The following TMC3 variants were observed in gnomAD, a reference collection of about 807,000 sequenced individuals.
TMC3 encodes the protein transmembrane channel like 3, also known as transmembrane channel-like protein 3.
A neutral mutation model predicts 110.6 loss-of-function variants in TMC3; 98 were observed. That is an observed-to-expected ratio of 0.89 (90% CI 0.75 to 1.05). The LOEUF is 1.05. TMC3 is among the 50% of genes least tolerant of loss of function. The pLI, the probability that TMC3 is intolerant of heterozygous loss-of-function variation, is 0.00. For synonymous variants in TMC3, 489 were observed against 513.1 expected (o/e 0.95, Z 0.63); for missense variants, 1,319 against 1,373.2 (o/e 0.96, Z 0.62).
intron 11 of TMC3, among the ~76,000 whole-genome samples, chr15:81,347,290 G>T (rs1192233176): frequency 6.6e-6 from 1 of 152,158 alleles, no homozygotes; most frequent in Non-Finnish European, 1.5e-5. Context: ...AAAGTTGATG[G>T]GAAAGCATCT....
At chr15:81,348,696 C>A (rs955701713) in intron 11 of TMC3, among the ~76,000 whole-genome samples, 1 of 152,184 alleles carries the variant, frequency 6.6e-6, no homozygotes, top group Non-Finnish European at 1.5e-5. Flanking sequence ...GTTCTTCTTG[C>A]GTCTGGAAAA....
At chr15:81,353,077 C>T (rs1259395940) in intron 9 of TMC3, among the ~76,000 whole-genome samples, 2 of 152,146 alleles carry the variant, frequency 1.3e-5, no homozygotes, top group Admixed American at 6.5e-5. Flanking sequence ...CCGCCTCGGC[C>T]TCCCAAAGTG....
At chr15:81,343,183 A>G (rs1371279897) in intron 15 of TMC3, 95 bp downstream of exon 15, 1 of 670,208 alleles carries the variant, frequency 1.5e-6, no homozygotes, top group African/African-American at 1.8e-5. Context: ...TGCTTATGTA[A>G]CTGTGTTATG....
At chr15:81,346,151 A>C (rs1424868304) in intron 12 of TMC3, among the ~76,000 whole-genome samples, 3 of 152,176 alleles carry the variant, frequency 2.0e-5, no homozygotes, top group Non-Finnish European at 4.4e-5. Context: ...ATCACTTACT[A>C]GTCATGCACT....
intron 19 of TMC3, among the ~76,000 whole-genome samples, chr15:81,337,009 A>G (rs1893610970): frequency 6.6e-6 from 1 of 152,170 alleles, no homozygotes; most frequent in South Asian, 2.1e-4. Flanking sequence ...GTAACTCCAA[A>G]TGAATTTCCA....
At chr15:81,340,385 A>G (rs905292154) in intron 16 of TMC3, among the ~76,000 whole-genome samples, 1 of 152,194 alleles carries the variant, frequency 6.6e-6, no homozygotes, top group Non-Finnish European at 1.5e-5. Context: ...ATACATACAC[A>G]TATATAACAT....
At chr15:81,338,046 C>T in intron 18 of TMC3, 122 bp from the exon 19 acceptor site, 3 of 746,082 alleles carry the variant, frequency 4.0e-6, no homozygotes, top group Non-Finnish European at 4.8e-6. Flanking sequence ...GGGCTATCCA[C>T]TGACCCTCCG....
At chr15:81,340,837 C>G (rs978449669) in intron 16 of TMC3, among the ~76,000 whole-genome samples, 2 of 152,180 alleles carry the variant, frequency 1.3e-5, no homozygotes, top group Non-Finnish European at 2.9e-5. Context: ...CCTACATGCC[C>G]GTCAACAGGA....
In TMC3 at chr15:81,332,874, T is replaced by G. The variant is rs1893499050; in HGVS notation, c.2848A>C (p.Ser950Arg). 1 of 1,613,280 alleles carries G rather than the reference T, an allele frequency of 6.2e-7. No homozygotes were observed. Among genetic ancestry groups the G allele is most frequent in the African/African-American group, 1.3e-5 (1 of 74,908 alleles). ...QLSEEEEETP[S>R]RDWIKRSLPP... ...AGAGACCGTTTGATCCAATCTCTGC[T>G]TGGCGTCTCCTCCTCTTCTTCACTC... is the stretch of plus-strand genomic sequence containing the variant. Residue 950 changes from serine (S) to arginine (R), a missense_variant, in exon 22 of 22, where the codon AGC (serine) becomes CGC (arginine). By Grantham distance (110) the Ser-to-Arg change is moderately radical. Coordinates refer to ENST00000359440, the MANE Select transcript of TMC3 (RefSeq NM_001080532.3).
chr15:81,333,412 T>A, intron 21 of TMC3, 150 bp from the exon 22 acceptor site: 1 of 1,112,396 alleles, frequency 9.0e-7, no homozygotes, highest in Non-Finnish European at 1.2e-6. Context: ...ACAGAGACAT[T>A]TGGGGGACAG....
chr15:81,349,625 C>T (rs1275413672), intron 10 of TMC3, 58 bp from the exon 11 acceptor site: 2 of 1,047,368 alleles, frequency 1.9e-6, no homozygotes, highest in African/African-American at 1.7e-5. Context: ...CCAGCCCTCA[C>T]CATGTGCATT....
intron 14 of TMC3, among the ~76,000 whole-genome samples, chr15:81,343,548 G>T (rs1221670399): frequency 6.6e-6 from 1 of 152,120 alleles, no homozygotes; most frequent in Non-Finnish European, 1.5e-5. Flanking sequence ...CCAGCACTTC[G>T]GGAGGCTGAG....
At chr15:81,348,142 G>A (rs768542543) in intron 11 of TMC3, among the ~76,000 whole-genome samples, 1 of 152,222 alleles carries the variant, frequency 6.6e-6, no homozygotes, top group Non-Finnish European at 1.5e-5. Flanking sequence ...TTGAGTAGTG[G>A]TGATAGAGAC....
Position 81,341,489 on chromosome 15 carries a change from G to A in TMC3, c.1745C>T (p.Pro582Leu). The change falls in exon 16 of 22, where the codon CCA becomes CTA. Residue 582 changes from proline to leucine, a missense_variant. Transcript: ENST00000359440. ...AATGAGTTTGAGAACGTTGAACGCT[G>A]GGAGACATGGGGAGAAGAAGGCCCC... ...WMGAFFSPCL[P>L]AFNVLKLIGL... The A allele has an allele frequency of 6.2e-7, 1 of 1,610,630 alleles. No homozygotes were observed. Among genetic ancestry groups the A allele is most frequent in the Non-Finnish European group, 8.5e-7 (1 of 1,178,356 alleles).
chr15:81,347,305 C>G, intron 11 of TMC3, among the ~76,000 whole-genome samples: 1 of 152,330 alleles, frequency 6.6e-6, no homozygotes, highest in Middle Eastern at 3.4e-3. Flanking sequence ...GCATCTTTAT[C>G]TTGAGGAAAA....
intron 15 of TMC3, 162 bp downstream of exon 15, chr15:81,343,116 C>G (rs941817399): frequency 6.2e-6 from 3 of 487,604 alleles, no homozygotes; most frequent in African/African-American, 5.9e-5. Flanking sequence ...TCTTAGGAAA[C>G]CATTAATAAA....
rs192635930 is a variant in TMC3, at chr15:81,348,534, C to T, written c.1193+924G>A. 1.7e-3 allele frequency among the ~76,000 whole-genome samples: 266 copies of T among 152,324 alleles called. 3 individuals carry two copies. The highest frequency in any genetic ancestry group is 6.3e-3 in the African/African-American group (260 of 41,568). On this transcript the variant is annotated intron_variant, in intron 11 of 21. Transcript: ENST00000359440. ...GACTCCCATAGAAGGTGTCTCAGGACGTCCCCTCAGGTGCATCAGCCTACT... is the reference window on the plus strand; with the variant it reads ...GACTCCCATAGAAGGTGTCTCAGGATGTCCCCTCAGGTGCATCAGCCTACT...
In TMC3 at chr15:81,343,970, G is replaced by A. The variant is rs1893769585; in HGVS notation, c.1594C>T (p.Leu532Phe). 6.2e-7 allele frequency: 1 copy of A among 1,613,394 alleles called. No individual in the cohort carries two copies. Among genetic ancestry groups the A allele is most frequent in the South Asian group, 1.1e-5 (1 of 91,072 alleles). Reference sequence around the variant, plus strand: ...TAGTCACTTAAGTACCGCACGAAAAGTCCTCGGAAGAAGTCTATGAGCAGA... The same window carrying A: ...TAGTCACTTAAGTACCGCACGAAAAATCCTCGGAAGAAGTCTATGAGCAGA... ...SILLIDFFRG[L>F]FVRYLSDYWC... Residue 532 changes from leucine to phenylalanine, a missense_variant, in exon 14 of 22, where the codon CTT becomes TTT. By Grantham distance (22) the Leu-to-Phe change is conservative. Coordinates refer to ENST00000359440, the MANE Select transcript of TMC3 (RefSeq NM_001080532.3).
rs1218448174 is a variant in TMC3 at position 81,331,991 on chromosome 15, ATC to A, written c.*426_*427del. On this transcript the variant is annotated 3_prime_UTR_variant, in exon 22 of 22. Coordinates refer to ENST00000359440, the MANE Select transcript of TMC3 (RefSeq NM_001080532.3). ...AGTCAAAGGTCAAACAGTGCACTGG[ATC>A]TCTCAAGTCGCCTGCTTGGCCCTCT... is the stretch of plus-strand genomic sequence containing the variant. 6.3e-6 allele frequency: 1 copy of A among 159,898 alleles called. No homozygotes were observed. Among genetic ancestry groups the A allele is most frequent in the African/African-American group, 2.4e-5 (1 of 41,556 alleles). 9.9% of individuals were successfully genotyped at this position (159,898 alleles called of 1,614,324 possible).
Sources: allele counts gnomAD v4.1 joint callset (sites outside exome capture counted in the v4.1 genomes callset), GRCh38; gene constraint gnomAD v4.1.1; transcripts MANE v1.5; gene names NCBI Gene and HGNC (gene_info 2026-07-23, HGNC 2026-07-21).